RPRD2: variants seen among roughly 807,000 people sequenced by gnomAD.
RPRD2 encodes the protein regulation of nuclear pre-mRNA domain-containing protein 2.
RPRD2 carries 12 observed loss-of-function variants against 104.4 expected under a neutral mutation model. The observed-to-expected ratio is 0.11, with a 90% confidence interval of 0.07 to 0.19. The LOEUF (loss-of-function observed/expected upper bound fraction) is 0.19. Among genes scored for constraint, RPRD2 ranks in the 10% least tolerant of loss-of-function variants. The pLI is 1.00. For missense variants in RPRD2, 1,543 were observed against 1,790.1 expected (o/e 0.86, Z 2.49); for synonymous variants, 714 against 684.9 (o/e 1.04, Z -0.66).
chr1:150,473,556 T>TAAAAAAAAAAAAAAAAAAAAAAAA lies in RPRD2; in HGVS notation c.*245_*246insAAAAAAAAAAAAAAAAAAAAAAAA, dbSNP rs61486244. 1.0e-5 allele frequency: 1 copy of TAAAAAAAAAAAAAAAAAAAAAAAA among 98,120 alleles called. No individual in the cohort carries two copies. The highest frequency in any genetic ancestry group is 1.9e-5 in the Non-Finnish European group (1 of 51,862). The allele number at this position is 98,120 out of a possible 1,614,324, so 6.1% of individuals were successfully genotyped here. A position where few individuals can be genotyped will look rare whatever the true frequency, so the allele number is the denominator to read the frequency against. On this transcript the variant is annotated 3_prime_UTR_variant, in exon 11 of 11. Transcript: ENST00000369068. ...TCTACCTTCCCCAAGTTGTTTGTATTAAAAAAAAAAAAAAAAAAAAAAAGT... is the reference window on the plus strand; with the variant it reads ...TCTACCTTCCCCAAGTTGTTTGTATTAAAAAAAAAAAAAAAAAAAAAAAAAAAAAAAAAAAAAAAAAAAAAAAGT...
intron 1 of RPRD2, among the ~76,000 whole-genome samples, chr1:150,400,439 G>A (rs1553885085): frequency 1.3e-5 from 2 of 152,198 alleles, no homozygotes; most frequent in African/African-American, 4.8e-5. Flanking sequence ...GATGGGGTTG[G>A]TTTTGGGATG....
intron 2 of RPRD2, among the ~76,000 whole-genome samples, chr1:150,428,880 TAA>T (rs1665356226): frequency 6.6e-6 from 1 of 152,100 alleles, no homozygotes; most frequent in South Asian, 2.1e-4. Flanking sequence ...CTTCCTGTTA[TAA>T]GAGTAAGGGG....
rs782189530 is a variant in RPRD2 at position 150,402,979 on chromosome 1, A to AC, written c.206-14617_206-14616insC. 1.6e-3 allele frequency among the ~76,000 whole-genome samples: 213 copies of AC among 134,998 alleles called. 2 individuals carry two copies. Among genetic ancestry groups the AC allele is most frequent in the South Asian group, 5.3e-3 (24 of 4,548 alleles). The allele number at this position is 134,998 out of a possible 152,430, so 88.6% of individuals were successfully genotyped here. On this transcript the variant is annotated intron_variant, in intron 1 of 10. Transcript: ENST00000369068. Reference sequence around the variant, plus strand: ...GCGAAACTCTGCCTCAAAAAAACAAAAACAAAAAAGATCCCCGTTTCAGAA... The same window carrying AC: ...GCGAAACTCTGCCTCAAAAAAACAAACAACAAAAAAGATCCCCGTTTCAGAA...
At chr1:150,454,428 C>T (rs1667383879) in intron 7 of RPRD2, among the ~76,000 whole-genome samples, 1 of 152,072 alleles carries the variant, frequency 6.6e-6, no homozygotes, top group African/African-American at 2.4e-5. Flanking sequence ...CCAGTATATT[C>T]AAACAAGTGT....
chr1:150,432,165 C>A (rs1553891939), intron 2 of RPRD2, among the ~76,000 whole-genome samples: 3 of 138,146 alleles, frequency 2.2e-5, no homozygotes, highest in African/African-American at 2.6e-5. Context: ...TGGAACAAGA[C>A]CCTAAATCTT....
chr1:150,384,366 A>G (rs12128653), intron 1 of RPRD2, among the ~76,000 whole-genome samples: 33,556 of 151,520 alleles, frequency 0.22, 4,251 homozygotes, highest in African/African-American at 0.32. Context: ...GTGTGAAAGA[A>G]TCAGAGAGGA....
chr1:150,386,270 G>A (rs1661561692), intron 1 of RPRD2, among the ~76,000 whole-genome samples: 1 of 151,996 alleles, frequency 6.6e-6, no homozygotes, highest in Admixed American at 6.6e-5. Flanking sequence ...CACCGCACCC[G>A]GCCTGTATTT....
intron 7 of RPRD2, among the ~76,000 whole-genome samples, chr1:150,447,889 T>C (rs1553895844): frequency 6.6e-6 from 1 of 152,194 alleles, no homozygotes; most frequent in Non-Finnish European, 1.5e-5. Flanking sequence ...TATTATTCTT[T>C]CTTGATTTAT....
chr1:150,463,953 G>A (rs587661454), intron 9 of RPRD2, among the ~76,000 whole-genome samples: 1 of 152,112 alleles, frequency 6.6e-6, no homozygotes, highest in South Asian at 2.1e-4. Context: ...GACCACCCTG[G>A]GCAATGTAGC....
chr1:150,386,761 A>G (rs1553881896), intron 1 of RPRD2, among the ~76,000 whole-genome samples: 1 of 152,188 alleles, frequency 6.6e-6, no homozygotes, highest in African/African-American at 2.4e-5. Flanking sequence ...AACTGCTTAC[A>G]TAGAGATAAT....
intron 1 of RPRD2, among the ~76,000 whole-genome samples, chr1:150,368,858 TC>T (rs1660051840): frequency 6.6e-6 from 1 of 152,202 alleles, no homozygotes; most frequent in Non-Finnish European, 1.5e-5. Flanking sequence ...TCTACCCACC[TC>T]AGCCTCCCAA....
intron 7 of RPRD2, among the ~76,000 whole-genome samples, chr1:150,456,781 C>T (rs1050550795): frequency 2.6e-5 from 4 of 150,984 alleles, no homozygotes; most frequent in South Asian, 2.1e-4. Context: ...AAAAATTAGC[C>T]GGGTGTGGTG....
At chr1:150,380,171 A>T (rs782402759) in intron 1 of RPRD2, among the ~76,000 whole-genome samples, 3 of 152,248 alleles carry the variant, frequency 2.0e-5, no homozygotes, top group Non-Finnish European at 4.4e-5. Flanking sequence ...TCACTTTATT[A>T]AAAAGGTTAT....
At chr1:150,419,265 T>C (rs1197185983) in intron 2 of RPRD2, among the ~76,000 whole-genome samples, 3 of 152,210 alleles carry the variant, frequency 2.0e-5, no homozygotes, top group Admixed American at 6.5e-5. Flanking sequence ...TAAACACTTA[T>C]ATGGAACAAC....
At chr1:150,457,173 A>G (rs1232669781) in intron 7 of RPRD2, 115 bp from the exon 8 acceptor site, 2 of 973,114 alleles carry the variant, frequency 2.1e-6, no homozygotes, top group African/African-American at 3.3e-5. Flanking sequence ...GCAGTGAACC[A>G]AGATTGTGCC....
intron 7 of RPRD2, among the ~76,000 whole-genome samples, chr1:150,451,275 G>A (rs1312379970): frequency 5.3e-5 from 8 of 152,082 alleles, no homozygotes; most frequent in Non-Finnish European, 1.0e-4. Flanking sequence ...ACACAAGTTT[G>A]GTTTATCTCA....
chr1:150,437,805 C>G (rs587690766), intron 2 of RPRD2, among the ~76,000 whole-genome samples: 5 of 151,850 alleles, frequency 3.3e-5, no homozygotes, highest in Admixed American at 1.3e-4. Flanking sequence ...GTCTCAAACT[C>G]CTGGGCTCAG....
intron 10 of RPRD2, among the ~76,000 whole-genome samples, chr1:150,468,910 G>T (rs587735171): frequency 2.0e-5 from 3 of 150,018 alleles, no homozygotes; most frequent in Non-Finnish European, 3.0e-5. Flanking sequence ...TAGTAGGGAT[G>T]AATTATGTGG....
intron 7 of RPRD2, among the ~76,000 whole-genome samples, chr1:150,454,700 T>C (rs1667403835): frequency 6.6e-6 from 1 of 151,972 alleles, no homozygotes; most frequent in African/African-American, 2.4e-5. Context: ...ATACAAAAAT[T>C]AGCCAGGAGT....
Sources: allele counts gnomAD v4.1 joint callset (sites outside exome capture counted in the v4.1 genomes callset), GRCh38; gene constraint gnomAD v4.1.1; transcripts MANE v1.5; gene names NCBI Gene and HGNC (gene_info 2026-07-23, HGNC 2026-07-21).